The following VDAC1 variants were observed in gnomAD, a reference collection of about 807,000 sequenced individuals.
VDAC1 encodes the protein voltage dependent anion channel 1, also known as non-selective voltage-gated ion channel VDAC1.
In VDAC1, 10 loss-of-function variants were observed where a neutral mutation model predicts 34.7. The observed-to-expected ratio is 0.29, with a 90% CI of 0.18 to 0.49. The LOEUF (loss-of-function observed/expected upper bound fraction) is 0.49. VDAC1 is among the 20% of genes least tolerant of loss of function. The pLI is 0.99. For synonymous variants in VDAC1, 130 were observed against 136.0 expected, an observed-to-expected ratio of 0.96 and a Z score of 0.30; for missense variants, 230 against 347.9, an observed-to-expected ratio of 0.66 and a Z score of 2.69.
At chr5:133,988,223 GA>G (rs1361457847) in intron 5 of VDAC1, among the ~76,000 whole-genome samples, 2 of 151,996 alleles carry the variant, frequency 1.3e-5, no homozygotes, top group Non-Finnish European at 2.9e-5. Flanking sequence ...GAACACAGGA[GA>G]ACTCTGCATA....
the VDAC1 span, among the ~76,000 whole-genome samples, chr5:134,081,289 G>C: frequency 0.034 from 5,157 of 151,716 alleles, 97 homozygotes; most frequent in East Asian, 0.092. Flanking sequence ...TGCCCGCCTC[G>C]GCCTCCCAAA....
chr5:134,073,654 G>A, the VDAC1 span, among the ~76,000 whole-genome samples: 1 of 152,216 alleles, frequency 6.6e-6, no homozygotes, highest in Non-Finnish European at 1.5e-5. Context: ...TCATCAGAGA[G>A]AGGATGGCAA....
chr5:134,040,587 A>AT, the VDAC1 span, among the ~76,000 whole-genome samples: 1 of 152,046 alleles, frequency 6.6e-6, no homozygotes, highest in African/African-American at 2.4e-5. Flanking sequence ...AAAAAAAAAA[A>AT]ATTAGCTGGG....
the VDAC1 span, among the ~76,000 whole-genome samples, chr5:134,030,600 C>CTT: frequency 8.4e-3 from 919 of 109,922 alleles, 13 homozygotes; most frequent in African/African-American, 0.019. Flanking sequence ...TTCTTTCTTT[C>CTT]TTTCTTTTTT....
chr5:133,973,465 G>C (rs952638771), intron 8 of VDAC1, among the ~76,000 whole-genome samples: 10 of 152,102 alleles, frequency 6.6e-5, no homozygotes, highest in Non-Finnish European at 1.5e-4. Flanking sequence ...TTTTACAGTG[G>C]GGCTGATTTA....
chr5:134,059,981 C>T, the VDAC1 span, among the ~76,000 whole-genome samples: 1 of 151,740 alleles, frequency 6.6e-6, no homozygotes, highest in African/African-American at 2.4e-5. Flanking sequence ...GGACTCTGAG[C>T]ATCTCTAAAA....
At chr5:134,054,458 C>CTTTTT in the VDAC1 span, among the ~76,000 whole-genome samples, 227 of 123,530 alleles carry the variant, frequency 1.8e-3, no homozygotes, top group African/African-American at 2.2e-3. Context: ...TCCTTCCTTC[C>CTTTTT]TTTTTTTTTT....
At chr5:134,070,084 A>G in the VDAC1 span, among the ~76,000 whole-genome samples, 41 of 152,294 alleles carry the variant, frequency 2.7e-4, no homozygotes, top group South Asian at 8.5e-3. Flanking sequence ...CAGCCATACA[A>G]ATGGGCAACC....
the VDAC1 span, among the ~76,000 whole-genome samples, chr5:134,017,486 C>T: frequency 1.3e-5 from 2 of 152,070 alleles, no homozygotes; most frequent in South Asian, 2.1e-4. Flanking sequence ...TTGGTTTGCT[C>T]TGGCTTCCTT....
At chr5:134,051,986 C>T in the VDAC1 span, among the ~76,000 whole-genome samples, 1 of 152,134 alleles carries the variant, frequency 6.6e-6, no homozygotes, top group African/African-American at 2.4e-5. Context: ...GGGTGAGCCA[C>T]TGCATAAGGC....
chr5:134,113,010 C>G, the VDAC1 span, among the ~76,000 whole-genome samples: 793 of 152,244 alleles, frequency 5.2e-3, 5 homozygotes, highest in African/African-American at 0.018. Flanking sequence ...TTCAGCTGTC[C>G]CAGAGGAGGC....
the VDAC1 span, among the ~76,000 whole-genome samples, chr5:134,080,635 G>A: frequency 6.6e-6 from 1 of 152,180 alleles, no homozygotes; most frequent in African/African-American, 2.4e-5. Flanking sequence ...AACAACATGA[G>A]TTGACATTTA....
chr5:134,043,360 C>T, the VDAC1 span, among the ~76,000 whole-genome samples: 1 of 152,090 alleles, frequency 6.6e-6, no homozygotes, highest in Non-Finnish European at 1.5e-5. Flanking sequence ...CCAGGTCACA[C>T]AGAGGCAGGG....
the VDAC1 span, among the ~76,000 whole-genome samples, chr5:134,080,600 T>TGGAGGTACAGTACCAC: frequency 6.7e-6 from 1 of 149,938 alleles, no homozygotes; most frequent in African/African-American, 2.5e-5. Context: ...TACAGTATCA[T>TGGAGGTACAGTACCAC]GGGCAGGTTA....
chr5:134,114,090 C>T, the VDAC1 span, among the ~76,000 whole-genome samples: 1 of 152,200 alleles, frequency 6.6e-6, no homozygotes, highest in Non-Finnish European at 1.5e-5. Context: ...ATAAGCTCTG[C>T]ACGCAACAGG....
chr5:133,994,224 G>A (rs190752054), intron 1 of VDAC1, among the ~76,000 whole-genome samples: 1 of 152,268 alleles, frequency 6.6e-6, no homozygotes, highest in African/African-American at 2.4e-5. Flanking sequence ...AGGCATTGCA[G>A]GAGGCCACAG....
At chr5:134,109,783 A>C in the VDAC1 span, among the ~76,000 whole-genome samples, 4 of 67,870 alleles carry the variant, frequency 5.9e-5, no homozygotes, top group African/African-American at 1.9e-4. Flanking sequence ...AAAAAAAAAA[A>C]AAAAAAAAAG....
chr5:134,001,836 C>G (rs1753570880), intron 1 of VDAC1, among the ~76,000 whole-genome samples: 1 of 151,994 alleles, frequency 6.6e-6, no homozygotes, highest in African/African-American at 2.4e-5. Flanking sequence ...CTCTCCAGTG[C>G]TCTTTCCAGC....
upstream of VDAC1, among the ~76,000 whole-genome samples, chr5:134,008,560 CA>C (rs1487179335): frequency 6.6e-6 from 1 of 152,168 alleles, no homozygotes; most frequent in Non-Finnish European, 1.5e-5. Context: ...AGATATTTAT[CA>C]AAGTGGAAAG....
Sources: allele counts gnomAD v4.1 joint callset (sites outside exome capture counted in the v4.1 genomes callset), GRCh38; gene constraint gnomAD v4.1.1; transcripts MANE v1.5; gene names NCBI Gene and HGNC (gene_info 2026-07-23, HGNC 2026-07-21).